The following PCDHGA3 variants were observed in gnomAD, a reference collection of about 807,000 sequenced individuals.
PCDHGA3 encodes protocadherin gamma subfamily A, 3.
A neutral mutation model predicts 58.5 loss-of-function variants in PCDHGA3; 40 were observed. The ratio of observed to expected loss-of-function variants is 0.68; its 90% CI spans 0.53 to 0.89. The LOEUF (loss-of-function observed/expected upper bound fraction) is 0.89. PCDHGA3 is among the 40% of genes least tolerant of loss of function. The probability of loss-of-function intolerance (pLI) is 0.00; values close to 1 mark genes in which losing one functional copy is unlikely to be tolerated. For missense variants in PCDHGA3, 1,223 were observed against 1,195.9 expected (o/e 1.02, Z -0.33); for synonymous variants, 530 against 525.7 (o/e 1.01, Z -0.11).
At chr5:141,392,879 G>A in intron 1 of PCDHGA3, 2 of 1,613,512 alleles carry the variant, frequency 1.2e-6, no homozygotes, top group South Asian at 1.1e-5. Flanking sequence ...TGCTGGGAAC[G>A]CTGTGGGAAA....
At chr5:141,470,022 G>C (rs892106953) in intron 1 of PCDHGA3, among the ~76,000 whole-genome samples, 2 of 152,070 alleles carry the variant, frequency 1.3e-5, no homozygotes, top group African/African-American at 4.8e-5. Context: ...CCAGCTACTC[G>C]GGATGCTGAG....
At chr5:141,387,298 A>G (rs2090894771) in intron 1 of PCDHGA3, among the ~76,000 whole-genome samples, 1 of 152,244 alleles carries the variant, frequency 6.6e-6, no homozygotes, top group Admixed American at 6.5e-5. Context: ...AAATGTATCC[A>G]GTATATTTCT....
At chr5:141,377,625 G>GT (rs1774202160) in intron 1 of PCDHGA3, 1 of 150,730 alleles carries the variant, frequency 6.6e-6, no homozygotes, top group South Asian at 2.1e-4. Flanking sequence ...AAAAGATTTT[G>GT]TTTTTTCTCA....
intron 1 of PCDHGA3, among the ~76,000 whole-genome samples, chr5:141,363,990 A>T (rs1763134181): frequency 6.6e-6 from 1 of 152,268 alleles, no homozygotes; most frequent in South Asian, 2.1e-4. Flanking sequence ...TTAAAGCTGA[A>T]TTAACGGTCA....
At chr5:141,429,469 T>C (rs547784462) in intron 1 of PCDHGA3, among the ~76,000 whole-genome samples, 4 of 151,932 alleles carry the variant, frequency 2.6e-5, no homozygotes, top group African/African-American at 4.8e-5. Context: ...CCCACCTCAA[T>C]CTCCAGAGTA....
At chr5:141,387,135 T>C (rs2090834693) in intron 1 of PCDHGA3, among the ~76,000 whole-genome samples, 1 of 152,208 alleles carries the variant, frequency 6.6e-6, no homozygotes, top group African/African-American at 2.4e-5. Context: ...ACTGAAACTA[T>C]TGGGAAGGGG....
chr5:141,365,477 G>T, intron 1 of PCDHGA3: 2 of 1,613,994 alleles, frequency 1.2e-6, no homozygotes, highest in Non-Finnish European at 1.7e-6. Flanking sequence ...TGGTGAGATT[G>T]CATGCTCTAT....
intron 1 of PCDHGA3, among the ~76,000 whole-genome samples, chr5:141,482,800 G>C (rs10052648): frequency 0.023 from 2,992 of 130,874 alleles, 96 homozygotes; most frequent in African/African-American, 0.087. Context: ...GGCCGGGTAC[G>C]GTGGCTCATG....
intron 2 of PCDHGA3, among the ~76,000 whole-genome samples, chr5:141,502,908 C>G (rs1398336138): frequency 1.5e-5 from 2 of 132,418 alleles, no homozygotes; most frequent in Non-Finnish European, 3.0e-5. Flanking sequence ...TGTTGCCAGG[C>G]TGGAGTGCAG....
At chr5:141,347,109 TTCCTCCTTCCTTCCTTC>T (rs1325192232) in intron 1 of PCDHGA3, among the ~76,000 whole-genome samples, 1 of 135,622 alleles carries the variant, frequency 7.4e-6, no homozygotes, top group African/African-American at 2.9e-5. Context: ...CTCTCTCTCT[TTCCTCCTTCCTTCCTTC>T]CTCTGTTTCT....
intron 1 of PCDHGA3, chr5:141,423,907 G>C: frequency 7.9e-7 from 1 of 1,271,360 alleles, no homozygotes. Context: ...TTTCAAAGGG[G>C]CCATTCAACT....
At chr5:141,365,336 A>C in intron 1 of PCDHGA3, 1 of 1,613,998 alleles carries the variant, frequency 6.2e-7, no homozygotes, top group South Asian at 1.1e-5. Flanking sequence ...GGTGGTGGTC[A>C]CAGTACAGGA....
intron 1 of PCDHGA3, chr5:141,357,754 G>T (rs1339262267): frequency 9.2e-6 from 10 of 1,082,578 alleles, no homozygotes; most frequent in Non-Finnish European, 1.3e-5. Context: ...AAGAAAACTG[G>T]TGGATGACCT....
chr5:141,418,688 A>C, intron 1 of PCDHGA3: 2 of 1,614,032 alleles, frequency 1.2e-6, no homozygotes, highest in Non-Finnish European at 1.7e-6. Flanking sequence ...CAACTCAGAG[A>C]TCACTTATTC....
chr5:141,385,571 T>C (rs2090288104), intron 1 of PCDHGA3: 5 of 1,299,428 alleles, frequency 3.8e-6, no homozygotes, highest in Non-Finnish European at 4.9e-6. Context: ...TCCACCTACT[T>C]TCCAATCTAT....
intron 1 of PCDHGA3, chr5:141,404,571 C>T: frequency 6.2e-7 from 1 of 1,613,720 alleles, no homozygotes; most frequent in Non-Finnish European, 8.5e-7. Flanking sequence ...AGTGGAAGCC[C>T]ACCACTTAGC....
Position 141,431,625 on chromosome 5 carries a change from C to T in PCDHGA3, c.2425-63182C>T. The T allele has an allele frequency of 6.2e-7, 1 of 1,614,224 alleles. No individual in the cohort carries two copies. Among genetic ancestry groups the T allele is most frequent in the South Asian group, 1.1e-5 (1 of 91,082 alleles). On this transcript the variant is annotated intron_variant, in intron 1 of 3. Transcript: ENST00000253812. This position sits in a 1 kb window ranked among gnomAD's most constrained non-coding sequence, Gnocchi z 4.8. Reference sequence around the variant, plus strand: ...TTCCGGTATGTGGACGACAAGGCGGCCCAAGTTTTCAAACTAGATTGTAAT... The same window carrying T: ...TTCCGGTATGTGGACGACAAGGCGGTCCAAGTTTTCAAACTAGATTGTAAT...
Position 141,490,754 on chromosome 5 carries a change from CCTT to C in PCDHGA3, c.2425-4052_2425-4050del, listed in dbSNP as rs775582875. ...CAGGTTCAGGGAGCCCCAGCCTCCT[CCTT>C]TGTGTATGTCAACCCAGAGGATGGA... On this transcript the variant is annotated intron_variant, in intron 1 of 3. Transcript: ENST00000253812. The surrounding 1 kb of genome is among the most constrained non-coding windows in gnomAD (Gnocchi z 5.4). 3.1e-6 allele frequency: 5 copies of C among 1,614,200 alleles called. No individual in the cohort carries two copies. The highest frequency in any genetic ancestry group is 3.4e-6 in the Non-Finnish European group (4 of 1,180,038).
chr5:141,396,908 C>CA (rs1453541436), intron 1 of PCDHGA3, among the ~76,000 whole-genome samples: 1 of 152,146 alleles, frequency 6.6e-6, no homozygotes, highest in African/African-American at 2.4e-5. Flanking sequence ...TGGCACTTTG[C>CA]AATTTTAAAA....
Sources: gnomAD v4.1 joint callset for allele counts (sites outside exome capture counted in the v4.1 genomes callset) on GRCh38, gnomAD v4.1.1 for gene constraint, Gnocchi (gnomAD v3.1) non-coding constraint, MANE v1.5 for transcripts, NCBI Gene and HGNC (gene_info 2026-07-23, HGNC 2026-07-21) for gene names.